The following GPC6 variants were observed in gnomAD, a reference collection of about 807,000 sequenced individuals.
GPC6 encodes glypican-6.
A neutral mutation model predicts 55.2 loss-of-function variants in GPC6; 14 were observed. The observed-to-expected ratio is 0.25, with a 90% CI of 0.17 to 0.40. The LOEUF (loss-of-function observed/expected upper bound fraction) is 0.40. Ranked by LOEUF, GPC6 falls within the 10% of genes least tolerant of loss-of-function variation. The pLI, the probability that GPC6 is intolerant of heterozygous loss-of-function variation, is 1.00. For synonymous variants in GPC6, 278 were observed against 259.6 expected, an observed-to-expected ratio of 1.07 and a Z score of -0.68; for missense variants, 641 against 708.5, an observed-to-expected ratio of 0.90 and a Z score of 1.08.
chr13:93,644,871 T>G (rs1880108736), intron 2 of GPC6, among the ~76,000 whole-genome samples: 1 of 152,086 alleles, frequency 6.6e-6, no homozygotes, highest in Non-Finnish European at 1.5e-5. Flanking sequence ...AGGAGTCTGG[T>G]GCAAAACTTC....
chr13:94,344,891 A>G (rs1445443883), intron 6 of GPC6, among the ~76,000 whole-genome samples: 1 of 152,220 alleles, frequency 6.6e-6, no homozygotes, highest in East Asian at 1.9e-4. Context: ...TTAACTGTAA[A>G]TTCCTCTGCT....
chr13:93,433,079 G>C (rs964760107), intron 1 of GPC6, among the ~76,000 whole-genome samples: 1 of 152,146 alleles, frequency 6.6e-6, no homozygotes, highest in African/African-American at 2.4e-5. Flanking sequence ...GCTATACTGA[G>C]AGCCATAGGA....
chr13:94,252,730 T>C (rs1315394010), intron 4 of GPC6, among the ~76,000 whole-genome samples: 1 of 152,066 alleles, frequency 6.6e-6, no homozygotes, highest in Non-Finnish European at 1.5e-5. Flanking sequence ...ATGCAGACTT[T>C]CTTTTGTCCC....
intron 1 of GPC6, among the ~76,000 whole-genome samples, chr13:93,246,362 G>C (rs537415950): frequency 6.6e-6 from 1 of 152,236 alleles, no homozygotes; most frequent in South Asian, 2.1e-4. Context: ...CAGGACAGCT[G>C]AGATTAGCAG....
intron 1 of GPC6, among the ~76,000 whole-genome samples, chr13:93,350,094 G>A (rs1457987887): frequency 6.6e-6 from 1 of 152,182 alleles, no homozygotes; most frequent in Admixed American, 6.5e-5. Flanking sequence ...TCCCAGGGAA[G>A]TAAAATGGGT....
chr13:93,297,887 T>C (rs2139089539), intron 1 of GPC6, among the ~76,000 whole-genome samples: 1 of 152,302 alleles, frequency 6.6e-6, no homozygotes, highest in African/African-American at 2.4e-5. Flanking sequence ...AGAGCCTTCA[T>C]GGGGAGATCA....
chr13:94,108,318 C>T (rs551745405), intron 4 of GPC6, among the ~76,000 whole-genome samples: 7 of 152,158 alleles, frequency 4.6e-5, no homozygotes, highest in African/African-American at 1.7e-4. Flanking sequence ...TGTTCTCACT[C>T]ATAAATAGGA....
At chr13:94,201,854 C>T (rs1317729908) in intron 4 of GPC6, among the ~76,000 whole-genome samples, 2 of 152,078 alleles carry the variant, frequency 1.3e-5, no homozygotes, top group African/African-American at 2.4e-5. Flanking sequence ...GAGGCTGAGG[C>T]AGAAGAATCG....
intron 6 of GPC6, among the ~76,000 whole-genome samples, chr13:94,308,864 T>C (rs1218735385): frequency 5.9e-5 from 9 of 152,180 alleles, no homozygotes; most frequent in Admixed American, 1.3e-4. Flanking sequence ...TCAGCAGCCA[T>C]TGGCTCTCCT....
At chr13:94,038,029 C>T (rs1329261234) in intron 4 of GPC6, among the ~76,000 whole-genome samples, 1 of 151,818 alleles carries the variant, frequency 6.6e-6, no homozygotes, top group Non-Finnish European at 1.5e-5. Context: ...CTGTTGAACA[C>T]TTACAATGTG....
At chr13:93,842,493 G>A (rs1221577319) in intron 3 of GPC6, among the ~76,000 whole-genome samples, 1 of 152,024 alleles carries the variant, frequency 6.6e-6, no homozygotes, top group Non-Finnish European at 1.5e-5. Context: ...TTTTTTCAGT[G>A]TTAGTGTGAT....
rs112557030 is a variant in GPC6, at chr13:93,341,743, T to C, written c.160+114127T>C. Among the ~76,000 whole-genome samples, 1,219 of 151,820 alleles carry C rather than the reference T, an allele frequency of 8.0e-3. 4 individuals are homozygous for C. The highest frequency in any genetic ancestry group is 0.014 in the Non-Finnish European group (923 of 67,934). The stretch of plus-strand genomic sequence containing the variant: ...GCTGAGCAGACGCTTTTTAGTTTAA[T>C]TAGGTCCCATTTATTTATTTTTGTG... On this transcript the variant is annotated intron_variant, in intron 1 of 8. Coordinates refer to ENST00000377047, the MANE Select transcript of GPC6 (RefSeq NM_005708.5).
At chr13:94,252,527 C>A (rs78193581) in intron 4 of GPC6, among the ~76,000 whole-genome samples, 2,954 of 152,072 alleles carry the variant, frequency 0.019, 40 homozygotes, top group Non-Finnish European at 0.033. Context: ...CGGATAATGG[C>A]GATTTCAATG....
At chr13:93,932,890 G>C (rs1428002369) in intron 3 of GPC6, among the ~76,000 whole-genome samples, 1 of 151,244 alleles carries the variant, frequency 6.6e-6, no homozygotes, top group East Asian at 1.9e-4. Context: ...TATTTTCTTT[G>C]AGTTTAGGTC....
chr13:93,218,114 C>CCT, the GPC6 span, among the ~76,000 whole-genome samples: 4 of 145,060 alleles, frequency 2.8e-5, no homozygotes, highest in East Asian at 8.0e-4. Context: ...CTAGCTCAGA[C>CCT]TTTTTTTTTT....
At chr13:93,737,626 G>C (rs924284118) in intron 2 of GPC6, among the ~76,000 whole-genome samples, 4 of 152,012 alleles carry the variant, frequency 2.6e-5, no homozygotes, top group African/African-American at 9.7e-5. Flanking sequence ...TACAATAGAA[G>C]ATGAGTGAAT....
intron 1 of GPC6, among the ~76,000 whole-genome samples, chr13:93,511,001 A>ATATG (rs1880947048): frequency 3.8e-5 from 2 of 51,976 alleles, no homozygotes; most frequent in Non-Finnish European, 5.9e-5. Flanking sequence ...ATATATATAT[A>ATATG]TATATTCATG....
intron 1 of GPC6, among the ~76,000 whole-genome samples, chr13:93,231,183 G>A (rs1392901787): frequency 6.6e-6 from 1 of 151,286 alleles, no homozygotes; most frequent in Non-Finnish European, 1.5e-5. Flanking sequence ...AGTAAGTAAT[G>A]AGGCTGCAGT....
At chr13:94,377,895 A>G (rs1477876466) in intron 6 of GPC6, among the ~76,000 whole-genome samples, 2 of 152,204 alleles carry the variant, frequency 1.3e-5, no homozygotes, top group Non-Finnish European at 2.9e-5. Flanking sequence ...TGTCCTTTGT[A>G]GGGACATGGA....
Sources: allele counts gnomAD v4.1 joint callset (sites outside exome capture counted in the v4.1 genomes callset), GRCh38; gene constraint gnomAD v4.1.1; transcripts MANE v1.5; gene names NCBI Gene and HGNC (gene_info 2026-07-23, HGNC 2026-07-21).